The following PLCE1 variants were observed in gnomAD, a reference collection of about 807,000 sequenced individuals.
PLCE1 encodes phospholipase C epsilon 1.
A neutral mutation model predicts 242.8 loss-of-function variants in PLCE1; 119 were observed. That is an observed-to-expected ratio of 0.49 (90% CI 0.42 to 0.57). PLCE1 has a LOEUF of 0.57. Among genes scored for constraint, PLCE1 ranks in the 20% least tolerant of loss-of-function variants. PLCE1 has a pLI of 0.00. For missense variants in PLCE1, 2,441 were observed against 2,788.8 expected, an observed-to-expected ratio of 0.88 and a Z score of 2.81; for synonymous variants, 945 against 1,017.4, an observed-to-expected ratio of 0.93 and a Z score of 1.35.
At position 94,171,257 on chromosome 10, in the gene PLCE1, G is replaced by A. The variant is rs761107139; in HGVS notation, c.1570G>A (p.Asp524Asn). 9.3e-6 allele frequency: 15 copies of A among 1,614,118 alleles called. No homozygotes were observed. Among genetic ancestry groups the A allele is most frequent in the Admixed American group, 1.7e-5 (1 of 60,024 alleles). The change falls in exon 4 of 33, where the codon GAT becomes AAT. Residue 524 changes from aspartate to asparagine, a missense_variant. Asp to Asn is a conservative substitution (Grantham distance 23, BLOSUM62 1). Around this residue, in one of 5 missense-constraint regions of PLCE1, gnomAD observed 733 missense variants for 754.2 expected, o/e 0.97. Coordinates refer to ENST00000371380, the MANE Select transcript of PLCE1 (RefSeq NM_016341.4). The stretch of plus-strand genomic sequence containing the variant: ...AGCTGGGATCAGCAAGGAGCTGATC[G>A]ATCTGCAGCCTCTCATCCAGTTCCC... ...SSAGISKELI[D>N]LQPLIQFPEE...
chr10:94,026,880 T>G (rs778102601), intron 1 of PLCE1, among the ~76,000 whole-genome samples: 1 of 152,302 alleles, frequency 6.6e-6, no homozygotes, highest in Non-Finnish European at 1.5e-5. Context: ...AGACCTTGGT[T>G]GTTCTTTCTT....
intron 4 of PLCE1, among the ~76,000 whole-genome samples, chr10:94,204,118 T>C (rs985640200): frequency 6.6e-6 from 1 of 151,936 alleles, no homozygotes; most frequent in Non-Finnish European, 1.5e-5. Flanking sequence ...ATAAAAAAAC[T>C]AGAATAGTGC....
intron 2 of PLCE1, among the ~76,000 whole-genome samples, chr10:94,042,673 T>C (rs148046890): frequency 6.6e-6 from 1 of 152,306 alleles, no homozygotes; most frequent in African/African-American, 2.4e-5. Context: ...CAATTCTTAA[T>C]GCGAGGGGTG....
chr10:94,059,294 A>G (rs915333470), intron 2 of PLCE1, among the ~76,000 whole-genome samples: 2 of 152,182 alleles, frequency 1.3e-5, no homozygotes, highest in Non-Finnish European at 2.9e-5. Context: ...GAATTGCCAC[A>G]AAAACTGGGA....
Position 94,223,168 on chromosome 10 carries a change from G to A in PLCE1, c.1810-4138G>A, listed in dbSNP as rs563767194. Among the ~76,000 whole-genome samples, 8 of 141,938 alleles carry A rather than the reference G, an allele frequency of 5.6e-5. No individual in the cohort carries two copies. In the East Asian group the frequency reaches 8.8e-4, roughly 16 times the overall value. 93.1% of individuals were successfully genotyped at this position (141,938 alleles called of 152,430 possible). On this transcript the variant is annotated intron_variant, in intron 4 of 32. Transcript: ENST00000371380. ...ATGCCAATGCTATGGAAGCGGAAGC[G>A]GGAGGATCACTTGAGGCCAGAAGTT...
At chr10:94,237,823 A>G (rs933440253) in intron 7 of PLCE1, among the ~76,000 whole-genome samples, 17 of 152,184 alleles carry the variant, frequency 1.1e-4, no homozygotes, top group Admixed American at 1.0e-3. Context: ...TGAGAGCCCC[A>G]TGTTTTGTCC....
chr10:94,132,272 G>A lies in PLCE1; in HGVS notation c.1305G>A (p.Arg435=). 1 of 1,613,986 alleles carries A rather than the reference G, an allele frequency of 6.2e-7. No homozygotes were observed. Among genetic ancestry groups the A allele is most frequent in the Non-Finnish European group, 8.5e-7 (1 of 1,179,990 alleles). The part of the protein sequence containing the change: ...KLPASETAHG[R]ISVGPCLKQC... The stretch of plus-strand genomic sequence containing the variant: ...CAGCCTCCGAGACAGCCCATGGAAG[G>A]ATAAGCGTTGGTCCATGCTTAAAGC... The change falls in exon 3 of 33, where the codon AGG becomes AGA. Residue 435 remains arginine (R), a synonymous_variant. Transcript: ENST00000371380.
chr10:94,303,239 T>A (rs911476310), intron 24 of PLCE1, among the ~76,000 whole-genome samples: 7 of 152,242 alleles, frequency 4.6e-5, no homozygotes, highest in African/African-American at 1.7e-4. Flanking sequence ...GTGGCCCATG[T>A]ACAGAGTTCG....
chr10:94,279,874 G>C lies in PLCE1; in HGVS notation c.4758G>C (p.Glu1586Asp). 6.2e-7 allele frequency: 1 copy of C among 1,613,722 alleles called. No individual in the cohort carries two copies. The highest frequency in any genetic ancestry group is 8.5e-7 in the Non-Finnish European group (1 of 1,179,690). ...ATAATGAGGAAGAGGAAGATGAGGA[G>C]GACGAATATGATTATGACTATGAAT... is the stretch of plus-strand genomic sequence containing the variant. The part of the protein sequence containing the change: ...PANNEEEEDE[E>D]DEYDYDYESL... The change falls in exon 20 of 33, where the codon GAG (glutamate) becomes GAC (aspartate). Residue 1586 changes from glutamate (E) to aspartate (D), a missense_variant. By Grantham distance (45) the Glu-to-Asp change is conservative. Around this residue, in one of 5 missense-constraint regions of PLCE1, gnomAD observed 1,004 missense variants for 1,322.7 expected, o/e 0.76. Coordinates refer to ENST00000371380, the MANE Select transcript of PLCE1 (RefSeq NM_016341.4).
intron 3 of PLCE1, among the ~76,000 whole-genome samples, chr10:94,148,316 A>G (rs1209115437): frequency 6.6e-6 from 1 of 152,174 alleles, no homozygotes; most frequent in Non-Finnish European, 1.5e-5. Flanking sequence ...TGGCAGGAGC[A>G]GGGAACATAC....
chr10:94,269,094 CTTTTTTTTTTTT>C (rs71031565), intron 17 of PLCE1, 58 bp downstream of exon 17: 14 of 313,316 alleles, frequency 4.5e-5, no homozygotes, highest in East Asian at 4.3e-4. Context: ...CTTCATTTGT[CTTTTTTTTTTTT>C]TTTTTTTTTT....
At chr10:94,297,056 CAG>C (rs1167577325) in intron 23 of PLCE1, among the ~76,000 whole-genome samples, 1 of 152,002 alleles carries the variant, frequency 6.6e-6, no homozygotes, top group Non-Finnish European at 1.5e-5. Flanking sequence ...TTAGTAGAGA[CAG>C]GGTTTCACCA....
chr10:94,213,417 G>C (rs912238526), intron 4 of PLCE1, among the ~76,000 whole-genome samples: 18 of 152,150 alleles, frequency 1.2e-4, no homozygotes, highest in African/African-American at 4.3e-4. Context: ...AAGGCCCTGG[G>C]TTCTCAGGGT....
chr10:93,996,052 G>A (rs898970388), intron 1 of PLCE1, among the ~76,000 whole-genome samples: 1 of 152,238 alleles, frequency 6.6e-6, no homozygotes, highest in Non-Finnish European at 1.5e-5. Context: ...AAAGTAGACA[G>A]CAGGGGACGT....
Position 94,252,480 on chromosome 10 carries a change from G to T in PLCE1, c.3261G>T (p.Lys1087Asn), listed in dbSNP as rs754664492. The T allele has an allele frequency of 3.1e-6, 5 of 1,613,606 alleles. No homozygotes were observed. Among genetic ancestry groups the T allele is most frequent in the Non-Finnish European group, 4.2e-6 (5 of 1,179,798 alleles). ...TGGGCATAAGCACTACCAAGAAAAAGAAGAAAATCCTCATGAGGGTAGAGT... is the reference window on the plus strand; with the variant it reads ...TGGGCATAAGCACTACCAAGAAAAATAAGAAAATCCTCATGAGGGTAGAGT... Reference protein sequence around the residue: ...NTLGISTTKKKKKILMRGESG... With the variant: ...NTLGISTTKKNKKILMRGESG... The change falls in exon 9 of 33, where the codon AAG becomes AAT. Residue 1087 changes from lysine (K) to asparagine (N), a missense_variant. Coordinates refer to ENST00000371380, the MANE Select transcript of PLCE1 (RefSeq NM_016341.4).
chr10:94,298,405 T>C lies in PLCE1; in HGVS notation c.5194T>C (p.Trp1732Arg), dbSNP rs772606467. ...TTCCTGTGAAGGCATTCGACAGACC[T>C]GGGAGGAATCTTCTTCCCCTCTCAA... is the stretch of plus-strand genomic sequence containing the variant. ...KSSCEGIRQT[W>R]EESSSPLNPT... Residue 1732 changes from tryptophan (W) to arginine (R), a missense_variant, in exon 24 of 33, where the codon TGG (tryptophan) becomes CGG (arginine). Coordinates refer to ENST00000371380, the MANE Select transcript of PLCE1 (RefSeq NM_016341.4). The surrounding 1 kb of genome is among the most constrained non-coding windows in gnomAD (Gnocchi z 5.2). The C allele has an allele frequency of 1.2e-6, 2 of 1,614,146 alleles. No homozygotes were observed. Among genetic ancestry groups the C allele is most frequent in the Admixed American group, 3.3e-5 (2 of 60,016 alleles).
intron 4 of PLCE1, among the ~76,000 whole-genome samples, chr10:94,176,306 G>T (rs1327305415): frequency 9.9e-5 from 15 of 152,072 alleles, no homozygotes; most frequent in Admixed American, 9.8e-4. Context: ...AGGCTGAGGT[G>T]GGAGGATTGC....
chr10:94,329,560 G>T lies in PLCE1; in HGVS notation c.*1617G>T, dbSNP rs1280487809. On this transcript the variant is annotated 3_prime_UTR_variant, in exon 33 of 33. Coordinates refer to ENST00000371380, the MANE Select transcript of PLCE1 (RefSeq NM_016341.4). Reference sequence around the variant, plus strand: ...GCACTTTGGGAGGCCAAGATGGGCGGATCAGGACAGAGAATGAGGCCATCC... The same window carrying T: ...GCACTTTGGGAGGCCAAGATGGGCGTATCAGGACAGAGAATGAGGCCATCC... The T allele has an allele frequency of 6.6e-6, 1 of 152,130 alleles. No homozygotes were observed. Among genetic ancestry groups the T allele is most frequent in the African/African-American group, 2.4e-5 (1 of 41,432 alleles). The allele number at this position is 152,130 out of a possible 1,614,324, so 9.4% of individuals were successfully genotyped here.
intron 5 of PLCE1, among the ~76,000 whole-genome samples, 170 bp from the exon 6 acceptor site, chr10:94,233,884 G>T (rs996810553): frequency 6.6e-6 from 1 of 151,954 alleles, no homozygotes; most frequent in Admixed American, 6.5e-5. Flanking sequence ...GGAGGCAGAG[G>T]TTGCAGTGAG....
Sources: allele counts gnomAD v4.1 joint callset (sites outside exome capture counted in the v4.1 genomes callset), GRCh38; gene constraint gnomAD v4.1.1; regional missense constraint gnomAD v4.1.1; non-coding constraint Gnocchi (gnomAD v3.1); transcripts MANE v1.5; gene names NCBI Gene and HGNC (gene_info 2026-07-23, HGNC 2026-07-21).